PCM1: variants seen among roughly 807,000 people sequenced by gnomAD.
PCM1 encodes the protein pericentriolar material 1 protein.
Under a neutral mutation model 241.9 loss-of-function variants are expected in PCM1, and 157 were observed. That is an observed-to-expected ratio of 0.65 (90% confidence interval 0.57 to 0.74). The LOEUF (loss-of-function observed/expected upper bound fraction) is 0.74, where lower values mean the gene tolerates loss of function less well. Ranked by LOEUF, PCM1 falls within the 30% of genes least tolerant of loss-of-function variation. The pLI is 0.00. For synonymous variants in PCM1, 1,085 were observed against 784.9 expected, an observed-to-expected ratio of 1.38 and a Z score of -6.39; for missense variants, 3,478 against 2,360.1, an observed-to-expected ratio of 1.47 and a Z score of -9.81.
chr8:17,957,699 T>G lies in PCM1; in HGVS notation c.1964T>G (p.Phe655Cys). The part of the protein sequence containing the change: ...LVDEHPEDAE[F>C]EQKINRLMAA... ...GATGAGCATCCAGAAGATGCTGAAT[T>G]TGAACAGAAGATCAACCGACTTATG... The change falls in exon 13 of 39, where the codon TTT becomes TGT. Residue 655 changes from phenylalanine (F) to cysteine (C), a missense_variant. Physicochemically the swap from Phe to Cys is radical, Grantham distance 205. Coordinates refer to ENST00000325083, the MANE Select transcript of PCM1 (RefSeq NM_006197.4). 1 of 1,613,046 alleles carries G rather than the reference T, an allele frequency of 6.2e-7. No homozygotes were observed. The highest frequency in any genetic ancestry group is 8.5e-7 in the Non-Finnish European group (1 of 1,179,486).
chr8:18,017,971 A>C (rs2129487112), intron 36 of PCM1, among the ~76,000 whole-genome samples: 1 of 152,342 alleles, frequency 6.6e-6, no homozygotes, highest in Non-Finnish European at 1.5e-5. Flanking sequence ...ATGGGGAGGA[A>C]ACTAAGATCA....
intron 23 of PCM1, among the ~76,000 whole-genome samples, chr8:17,976,782 T>A (rs2078925333): frequency 1.3e-5 from 2 of 151,720 alleles, no homozygotes; most frequent in South Asian, 4.2e-4. Context: ...GATAACATCC[T>A]TATCTCTCAT....
chr8:17,963,021 A>G lies in PCM1; in HGVS notation c.2464-80A>G. The G allele has an allele frequency of 4.2e-6, 4 of 947,212 alleles. No homozygotes were observed. The South Asian group carries it at 6.3e-5, about 15-fold the overall frequency. 58.7% of individuals were successfully genotyped at this position (947,212 alleles called of 1,614,324 possible). On this transcript the variant is annotated intron_variant, in intron 16 of 38. Coordinates refer to ENST00000325083, the MANE Select transcript of PCM1 (RefSeq NM_006197.4). Reference sequence around the variant, plus strand: ...AGAATAGAAACCTTTGTTGATACTGACAATACTAGTAGTCTTTTACTCTTT... The same window carrying G: ...AGAATAGAAACCTTTGTTGATACTGGCAATACTAGTAGTCTTTTACTCTTT...
At chr8:17,993,007 C>T (rs972710449) in intron 28 of PCM1, among the ~76,000 whole-genome samples, 2 of 146,182 alleles carry the variant, frequency 1.4e-5, no homozygotes, top group African/African-American at 2.5e-5. Flanking sequence ...TTGTCAGATG[C>T]GTAGTTTACA....
intron 3 of PCM1, 30 bp from the exon 4 acceptor site, chr8:17,937,104 A>G (rs992120125): frequency 8.6e-6 from 13 of 1,515,554 alleles, no homozygotes; most frequent in African/African-American, 4.2e-5. Flanking sequence ...GATACAGGCC[A>G]TGTTAATTTT....
In PCM1 at chr8:17,984,624, C is replaced by A. The variant is rs552516821; in HGVS notation, c.4109-823C>A. Among the ~76,000 whole-genome samples the A allele has an allele frequency of 2.6e-5, 4 of 151,870 alleles. No homozygotes were observed. The South Asian group carries it at 8.3e-4, about 32-fold the overall frequency. On this transcript the variant is annotated intron_variant, in intron 24 of 38. Coordinates refer to ENST00000325083, the MANE Select transcript of PCM1 (RefSeq NM_006197.4). ...TTTCTATTAGAGCACATTCTTTTTCCATTTTCTTATTCCTCTCACAAAAAT... is the reference window on the plus strand; with the variant it reads ...TTTCTATTAGAGCACATTCTTTTTCAATTTTCTTATTCCTCTCACAAAAAT...
Position 18,025,464 on chromosome 8 carries a change from G to A in PCM1, c.5934+11G>A. Reference sequence around the variant, plus strand: ...ACAATATATTCAGAGGTATTTAGCTGTCTTTAATTAAACTTGTCTTTACAT... The same window carrying A: ...ACAATATATTCAGAGGTATTTAGCTATCTTTAATTAAACTTGTCTTTACAT... On this transcript the variant is annotated intron_variant, in intron 37 of 38. Transcript: ENST00000325083. 1.9e-6 allele frequency: 3 copies of A among 1,546,490 alleles called. No homozygotes were observed. The highest frequency in any genetic ancestry group is 1.8e-6 in the Non-Finnish European group (2 of 1,125,826).
chr8:17,952,544 G>A (rs1165774005), intron 8 of PCM1, among the ~76,000 whole-genome samples: 6 of 152,116 alleles, frequency 3.9e-5, no homozygotes, highest in African/African-American at 1.2e-4. Context: ...TTTGGGGGGA[G>A]AAATAACACA....
At chr8:17,969,229 G>A (rs2076068916) in intron 21 of PCM1, among the ~76,000 whole-genome samples, 1 of 152,084 alleles carries the variant, frequency 6.6e-6, no homozygotes, top group Non-Finnish European at 1.5e-5. Context: ...TAAAATGAAT[G>A]CAGTATCTAT....
rs376932725 is a variant in PCM1 at position 17,956,650 on chromosome 8, G to A, written c.1519G>A (p.Val507Ile). Reference protein sequence around the residue: ...RKRLNELRELVHYYEQTSDMM... With the variant: ...RKRLNELRELIHYYEQTSDMM... The stretch of plus-strand genomic sequence containing the variant: ...GAGATTGAATGAGCTAAGAGAATTA[G>A]TTCATTATTATGAACAAACGTCAGA... Residue 507 changes from valine (V) to isoleucine (I), a missense_variant, in exon 11 of 39, where the codon GTT (valine) becomes ATT (isoleucine). Transcript: ENST00000325083. 1 of 1,602,650 alleles carries A rather than the reference G, an allele frequency of 6.2e-7. No individual in the cohort carries two copies. Among genetic ancestry groups the A allele is most frequent in the Non-Finnish European group, 8.5e-7 (1 of 1,172,894 alleles).
At chr8:18,005,357 GTTT>G (rs57492553) in intron 29 of PCM1, among the ~76,000 whole-genome samples, 3 of 141,296 alleles carry the variant, frequency 2.1e-5, no homozygotes, top group African/African-American at 7.7e-5. Flanking sequence ...TGTTGTTGTT[GTTT>G]TTTTTTTTTT....
chr8:17,939,265 T>A (rs956018529), intron 5 of PCM1, among the ~76,000 whole-genome samples: 1 of 152,192 alleles, frequency 6.6e-6, no homozygotes, highest in African/African-American at 2.4e-5. Flanking sequence ...TGCCAGTTTT[T>A]AGTAAAGGGG....
At position 17,985,992 on chromosome 8, in the gene PCM1, G is replaced by GA. The variant is rs1387220643; in HGVS notation, c.4320dup (p.Gly1441ArgfsTer22). On this transcript the variant is annotated frameshift_variant, in exon 26 of 39. Coordinates refer to ENST00000325083, the MANE Select transcript of PCM1 (RefSeq NM_006197.4). LOFTEE classifies it high-confidence loss of function. ...ATCCAGACATATTTCTGAGAGCCATGAAAAAGGAGAAAATGTAAAGTCAGT... is the reference window on the plus strand; with the variant it reads ...ATCCAGACATATTTCTGAGAGCCATGAAAAAAGGAGAAAATGTAAAGTCAGT... 6.3e-7 allele frequency: 1 copy of GA among 1,585,016 alleles called. No homozygotes were observed.
At chr8:17,949,401 A>G (rs990023777) in intron 7 of PCM1, among the ~76,000 whole-genome samples, 1 of 151,980 alleles carries the variant, frequency 6.6e-6, no homozygotes, top group African/African-American at 2.4e-5. Flanking sequence ...GACATATAGG[A>G]TTCTATATAG....
At chr8:18,013,745 A>ATTCTGTGTG in intron 34 of PCM1, 1 of 486,810 alleles carries the variant, frequency 2.1e-6, no homozygotes. Flanking sequence ...CAGTTGTATT[A>ATTCTGTGTG]TACTGTGTGT....
At chr8:17,976,311 C>T (rs758499338) in intron 23 of PCM1, among the ~76,000 whole-genome samples, 20 of 152,236 alleles carry the variant, frequency 1.3e-4, no homozygotes, top group Non-Finnish European at 2.5e-4. Flanking sequence ...GGCTAGCTAA[C>T]GATTGTCCCT....
At position 18,026,114 on chromosome 8, in the gene PCM1, A is replaced by C. The variant is rs2094176106; in HGVS notation, c.6049+456A>C. Reference sequence around the variant, plus strand: ...AGGAGGTGGGGCTTGCGGTGAGCTGAGATAGCGCCACTGCACTCCGGCCTG... The same window carrying C: ...AGGAGGTGGGGCTTGCGGTGAGCTGCGATAGCGCCACTGCACTCCGGCCTG... On this transcript the variant is annotated intron_variant, in intron 38 of 38. Transcript: ENST00000325083. 5.4e-5 allele frequency among the ~76,000 whole-genome samples: 6 copies of C among 111,390 alleles called. No homozygotes were observed. In the South Asian group the frequency reaches 2.0e-3, roughly 37 times the overall value. The allele number at this position is 111,390 out of a possible 152,430, so 73.1% of individuals were successfully genotyped here.
At chr8:17,926,922 A>T (rs1172522244) in intron 2 of PCM1, 1 of 152,116 alleles carries the variant, frequency 6.6e-6, no homozygotes, top group Admixed American at 6.5e-5. Context: ...GATGAGATGG[A>T]TATTGGAATT....
chr8:17,966,418 C>G lies in PCM1; in HGVS notation c.3166C>G (p.His1056Asp). 6.2e-7 allele frequency: 1 copy of G among 1,613,540 alleles called. No individual in the cohort carries two copies. Among genetic ancestry groups the G allele is most frequent in the Non-Finnish European group, 8.5e-7 (1 of 1,179,550 alleles). Residue 1056 changes from histidine to aspartate, a missense_variant, in exon 20 of 39, where the codon CAC becomes GAC. His to Asp is a moderately conservative substitution (Grantham distance 81). Transcript: ENST00000325083. ...VASPQVHFIM[H>D]QLNQCYTQLT... ...ATCTCCTCAAGTACACTTCATAATG[C>G]ACCAGTTGAACCAGTGCTATACTCA...
Sources: allele counts gnomAD v4.1 joint callset (sites outside exome capture counted in the v4.1 genomes callset), GRCh38; gene constraint gnomAD v4.1.1; transcripts MANE v1.5; gene names NCBI Gene and HGNC (gene_info 2026-07-23, HGNC 2026-07-21).